SPECC1L: variants seen among roughly 807,000 people sequenced by gnomAD.
The protein encoded by SPECC1L is cytospin-A.
In SPECC1L, 40 loss-of-function variants were observed where a neutral mutation model predicts 116.8. The ratio of observed to expected loss-of-function variants is 0.34; its 90% confidence interval spans 0.27 to 0.45. SPECC1L has a LOEUF of 0.45. SPECC1L is among the 20% of genes least tolerant of loss of function. SPECC1L has a pLI of 1.00. For missense variants in SPECC1L, 1,110 were observed against 1,373.6 expected (o/e 0.81, Z 3.03); for synonymous variants, 504 against 500.6 (o/e 1.01, Z -0.09).
intron 14 of SPECC1L, among the ~76,000 whole-genome samples, chr22:24,411,223 G>GA (rs1199331271): frequency 1.7e-5 from 1 of 57,516 alleles, no homozygotes; most frequent in South Asian, 4.1e-4. Context: ...AAACAAAAAA[G>GA]GGGGGGTCAT....
chr22:24,385,326 A>G (rs1038022491), intron 14 of SPECC1L, among the ~76,000 whole-genome samples: 1 of 152,182 alleles, frequency 6.6e-6, no homozygotes, highest in African/African-American at 2.4e-5. Flanking sequence ...AGGAACAAAG[A>G]ACTAAAGGTA....
intron 11 of SPECC1L, among the ~76,000 whole-genome samples, chr22:24,348,829 T>TAAC (rs1179253746): frequency 2.0e-5 from 3 of 152,220 alleles, no homozygotes; most frequent in Non-Finnish European, 4.4e-5. Context: ...CCTGGGCTCT[T>TAAC]AACACCTGCA....
Position 24,322,319 on chromosome 22 carries a change from G to T in SPECC1L, c.1339G>T (p.Glu447Ter), listed in dbSNP as rs1201645589. Residue 447 changes from glutamate (E) to a stop codon, truncating the protein, a stop_gained, in exon 5 of 17, where the codon GAG (glutamate) becomes TAG (stop). Coordinates refer to ENST00000314328, the MANE Select transcript of SPECC1L (RefSeq NM_015330.6). LOFTEE classifies it high-confidence loss of function. ...RLGEEKVILM[E>*]SLCQQSDKLE... ...TGGAGAAGAGAAGGTTATTCTGATG[G>T]AGTCTTTATGTCAGCAGAGCGATAA... 1 of 1,614,102 alleles carries T rather than the reference G, an allele frequency of 6.2e-7. No individual in the cohort carries two copies. The highest frequency in any genetic ancestry group is 8.5e-7 in the Non-Finnish European group (1 of 1,180,046).
chr22:24,299,480 G>A (rs1401092651), intron 2 of SPECC1L, among the ~76,000 whole-genome samples: 1 of 152,156 alleles, frequency 6.6e-6, no homozygotes, highest in East Asian at 1.9e-4. Flanking sequence ...ATATGGCTAA[G>A]AACCAGCCGG....
chr22:24,359,357 ACT>A (rs1180332567), intron 11 of SPECC1L, among the ~76,000 whole-genome samples: 1 of 151,666 alleles, frequency 6.6e-6, no homozygotes, highest in Non-Finnish European at 1.5e-5. Flanking sequence ...TTTCTTCTGC[ACT>A]CTCTCTCTCA....
intron 14 of SPECC1L, among the ~76,000 whole-genome samples, chr22:24,405,402 C>T (rs1306502021): frequency 1.3e-5 from 2 of 151,412 alleles, no homozygotes; most frequent in Non-Finnish European, 2.9e-5. Context: ...AGAATTGCGG[C>T]CACGTCCCCA....
intron 2 of SPECC1L, among the ~76,000 whole-genome samples, chr22:24,292,908 T>G (rs550148741): frequency 1.2e-4 from 18 of 152,326 alleles, no homozygotes; most frequent in African/African-American, 3.8e-4. Flanking sequence ...AACCTTGGGC[T>G]GATTTACCAA....
intron 11 of SPECC1L, among the ~76,000 whole-genome samples, chr22:24,356,158 AGT>A (rs1203303747): frequency 6.6e-6 from 1 of 151,950 alleles, no homozygotes; most frequent in Non-Finnish European, 1.5e-5. Context: ...TATTGGGCAG[AGT>A]GTTTTATAAA....
rs749224759 is a variant in SPECC1L, at chr22:24,412,689, C to T, written c.3246C>T (p.Val1082=). 42 of 1,614,012 alleles carry T rather than the reference C, an allele frequency of 2.6e-5. No homozygotes were observed. Among genetic ancestry groups the T allele is most frequent in the East Asian group, 6.7e-5 (3 of 44,898 alleles). The change falls in exon 16 of 17, where the codon GTC becomes GTT. Residue 1082 remains valine, a synonymous_variant. Transcript: ENST00000314328. Reference sequence around the variant, plus strand: ...TGGCTTTCCAGGCAGCTGAAAGTGTCGGCATCAAATCCACACTGGTGAGCC... The same window carrying T: ...TGGCTTTCCAGGCAGCTGAAAGTGTTGGCATCAAATCCACACTGGTGAGCC... ...FMLAFQAAES[V]GIKSTLDINE... is the part of the protein sequence containing the mutation.
chr22:24,408,519 G>A (rs1012671480), intron 14 of SPECC1L, among the ~76,000 whole-genome samples: 1 of 152,244 alleles, frequency 6.6e-6, no homozygotes, highest in African/African-American at 2.4e-5. Context: ...GTGGATGCCT[G>A]GTGGCACACA....
chr22:24,348,973 C>A (rs1308463702), intron 11 of SPECC1L, among the ~76,000 whole-genome samples: 2 of 152,188 alleles, frequency 1.3e-5, no homozygotes, highest in African/African-American at 4.8e-5. Flanking sequence ...TTCCCTAATA[C>A]CACACTCTTG....
At chr22:24,381,627 G>A (rs1486545858) in intron 14 of SPECC1L, among the ~76,000 whole-genome samples, 3 of 152,192 alleles carry the variant, frequency 2.0e-5, no homozygotes, top group South Asian at 2.1e-4. Context: ...GCTCATGCCT[G>A]TAATCCCAGC....
rs944429155 is a variant in SPECC1L, at chr22:24,288,034, G to A, written c.-38+11231G>A. 3.5e-4 allele frequency among the ~76,000 whole-genome samples: 53 copies of A among 152,234 alleles called. 1 individual carries two copies. The highest frequency in any genetic ancestry group is 3.1e-3 in the Admixed American group (47 of 15,292). ...TCCTGGAACTGTATCCTTTCCTGGGGAATATGGGTGGAAATCCAAGGGCCC... is the reference window on the plus strand; with the variant it reads ...TCCTGGAACTGTATCCTTTCCTGGGAAATATGGGTGGAAATCCAAGGGCCC... On this transcript the variant is annotated intron_variant, in intron 2 of 16. Transcript: ENST00000314328.
chr22:24,274,567 A>G (rs1295614707), intron 1 of SPECC1L, among the ~76,000 whole-genome samples: 1 of 152,204 alleles, frequency 6.6e-6, no homozygotes, highest in Non-Finnish European at 1.5e-5. Flanking sequence ...ATAATTTGGT[A>G]TTCCATAAAG....
Position 24,363,185 on chromosome 22 carries a change from T to G in SPECC1L, c.2744-76T>G, listed in dbSNP as rs993904365. 55 of 1,318,358 alleles carry G rather than the reference T, an allele frequency of 4.2e-5. No individual in the cohort carries two copies. The Admixed American group carries it at 9.2e-4, about 22-fold the overall frequency. 81.7% of individuals were successfully genotyped at this position (1,318,358 alleles called of 1,614,324 possible). A position where few individuals can be genotyped will look rare whatever the true frequency, so the allele number is the denominator to read the frequency against. On this transcript the variant is annotated intron_variant, in intron 11 of 16. Coordinates refer to ENST00000314328, the MANE Select transcript of SPECC1L (RefSeq NM_015330.6). ...GCTTCAAGGCTGAAAGGAGTAAAAC[T>G]CACCTTCTTTGTACCTTTATTACTT...
intron 14 of SPECC1L, among the ~76,000 whole-genome samples, chr22:24,409,321 C>T (rs1027217328): frequency 6.6e-6 from 1 of 151,912 alleles, no homozygotes; most frequent in Non-Finnish European, 1.5e-5. Flanking sequence ...TTGAAGGTGG[C>T]GTGAAATAAT....
At chr22:24,294,491 T>A (rs112526664) in intron 2 of SPECC1L, among the ~76,000 whole-genome samples, 2 of 151,380 alleles carry the variant, frequency 1.3e-5, no homozygotes, top group East Asian at 1.9e-4. Context: ...AAGCGATTCT[T>A]CTGCCTCAGC....
At chr22:24,405,958 T>G (rs1288648495) in intron 14 of SPECC1L, among the ~76,000 whole-genome samples, 1 of 152,154 alleles carries the variant, frequency 6.6e-6, no homozygotes, top group Non-Finnish European at 1.5e-5. Context: ...CAGGGTAGTG[T>G]GCCCAGGAAG....
chr22:24,326,462 C>G (rs1002693017), intron 6 of SPECC1L, among the ~76,000 whole-genome samples: 2 of 152,178 alleles, frequency 1.3e-5, no homozygotes, highest in Non-Finnish European at 2.9e-5. Flanking sequence ...TTAGACTCGT[C>G]TACTCAGCTT....
Sources: allele counts gnomAD v4.1 joint callset (sites outside exome capture counted in the v4.1 genomes callset), GRCh38; gene constraint gnomAD v4.1.1; transcripts MANE v1.5; gene names NCBI Gene and HGNC (gene_info 2026-07-23, HGNC 2026-07-21).